ADAMTS17: variants seen among roughly 807,000 people sequenced by gnomAD.
The protein encoded by ADAMTS17 is A disintegrin and metalloproteinase with thrombospondin motifs 17.
Under a neutral mutation model 141.5 loss-of-function variants are expected in ADAMTS17, and 113 were observed. That is an observed-to-expected ratio of 0.80 (90% CI 0.69 to 0.93). The LOEUF (loss-of-function observed/expected upper bound fraction) is 0.93, where lower values mean the gene tolerates loss of function less well. Ranked by LOEUF, ADAMTS17 falls within the 40% of genes least tolerant of loss-of-function variation. ADAMTS17 has a pLI of 0.00. For missense variants in ADAMTS17, 1,659 were observed against 1,517.9 expected (o/e 1.09, Z -1.54); for synonymous variants, 768 against 630.6 (o/e 1.22, Z -3.27).
At chr15:100,288,995 C>A (rs2044540578) in intron 3 of ADAMTS17, among the ~76,000 whole-genome samples, 1 of 151,950 alleles carries the variant, frequency 6.6e-6, no homozygotes, top group Non-Finnish European at 1.5e-5. Flanking sequence ...CAAGAAATAA[C>A]CAAAATCACA....
chr15:100,000,732 C>T (rs2060904000), intron 18 of ADAMTS17, among the ~76,000 whole-genome samples: 1 of 152,036 alleles, frequency 6.6e-6, no homozygotes, highest in South Asian at 2.1e-4. Flanking sequence ...AGGCTGGTCT[C>T]GAACTCCTGA....
intron 15 of ADAMTS17, among the ~76,000 whole-genome samples, chr15:100,094,949 T>C (rs1340386255): frequency 6.6e-6 from 1 of 152,222 alleles, no homozygotes; most frequent in Non-Finnish European, 1.5e-5. Flanking sequence ...GCTGGGAATA[T>C]TGTCTGCCTG....
intron 15 of ADAMTS17, among the ~76,000 whole-genome samples, chr15:100,065,082 GATTT>G (rs781215805): frequency 2.6e-4 from 39 of 152,128 alleles, no homozygotes; most frequent in South Asian, 1.7e-3. Flanking sequence ...CAATAAAATG[GATTT>G]ATTTTTATAA....
intron 3 of ADAMTS17, among the ~76,000 whole-genome samples, chr15:100,302,187 C>T (rs1398270745): frequency 6.6e-6 from 1 of 152,206 alleles, no homozygotes; most frequent in African/African-American, 2.4e-5. Flanking sequence ...TCTTCTGTGT[C>T]TGGTTTCTTT....
intron 12 of ADAMTS17, 104 bp downstream of exon 12, chr15:100,131,903 A>G (rs2038063335): frequency 6.4e-7 from 1 of 1,559,468 alleles, no homozygotes; most frequent in African/African-American, 1.4e-5. Flanking sequence ...CATATCTTCT[A>G]ATGCTCAGCG....
intron 5 of ADAMTS17, 106 bp downstream of exon 5, chr15:100,262,246 G>A (rs576348391): frequency 8.9e-5 from 90 of 1,006,766 alleles, no homozygotes; most frequent in Admixed American, 4.7e-4. Context: ...AGAGAGTGAC[G>A]GAGACTGGCA....
At chr15:100,335,341 A>G (rs972812285) in intron 2 of ADAMTS17, among the ~76,000 whole-genome samples, 1 of 151,814 alleles carries the variant, frequency 6.6e-6, no homozygotes, top group Non-Finnish European at 1.5e-5. Flanking sequence ...CACCCCACAA[A>G]TCCACTCATG....
At chr15:100,071,651 C>A (rs2033979376) in intron 15 of ADAMTS17, among the ~76,000 whole-genome samples, 1 of 150,326 alleles carries the variant, frequency 6.7e-6, no homozygotes, top group Non-Finnish European at 1.5e-5. Context: ...GAACCAAAGA[C>A]AAAAACCACA....
chr15:100,331,518 T>C (rs946220530), intron 2 of ADAMTS17, among the ~76,000 whole-genome samples: 1 of 152,094 alleles, frequency 6.6e-6, no homozygotes, highest in Non-Finnish European at 1.5e-5. Context: ...TCAAAACAAT[T>C]TGCCCTCCTT....
At chr15:100,254,215 G>C (rs367840025) in intron 6 of ADAMTS17, 36 bp from the exon 7 acceptor site, 35 of 1,583,538 alleles carry the variant, frequency 2.2e-5, no homozygotes, top group Non-Finnish European at 2.9e-5. Flanking sequence ...GGTATATGCA[G>C]TATCCCCAAG....
chr15:99,985,762 G>A (rs1465179922), intron 20 of ADAMTS17, among the ~76,000 whole-genome samples: 1 of 152,188 alleles, frequency 6.6e-6, no homozygotes, highest in East Asian at 1.9e-4. Flanking sequence ...CTGTAAAATG[G>A]GGACAGATGG....
At chr15:100,032,428 A>C (rs867752901) in intron 18 of ADAMTS17, among the ~76,000 whole-genome samples, 1 of 152,330 alleles carries the variant, frequency 6.6e-6, no homozygotes, top group Middle Eastern at 3.4e-3. Flanking sequence ...TAACACTAAC[A>C]ACAAGCCAGA....
chr15:100,257,135 C>G (rs1451485876), intron 6 of ADAMTS17: 1 of 152,266 alleles, frequency 6.6e-6, no homozygotes, highest in Non-Finnish European at 1.5e-5. Context: ...CGTCCTAGCT[C>G]AGGACCTGGA....
intron 14 of ADAMTS17, among the ~76,000 whole-genome samples, 183 bp from the exon 15 acceptor site, chr15:100,096,659 T>G (rs2035778119): frequency 6.6e-6 from 1 of 152,202 alleles, no homozygotes; most frequent in Non-Finnish European, 1.5e-5. Flanking sequence ...GAATCCAACC[T>G]AGATTATATT....
intron 7 of ADAMTS17, among the ~76,000 whole-genome samples, chr15:100,209,115 A>G (rs1181140445): frequency 3.4e-5 from 2 of 58,546 alleles, no homozygotes; most frequent in East Asian, 7.7e-4. Flanking sequence ...CAAGTTAGCA[A>G]AAAAAAAAAA....
rs545888772 is a variant in ADAMTS17 at position 100,116,888 on chromosome 15, C to A, written c.1847G>T (p.Ser616Ile). 6.2e-7 allele frequency: 1 copy of A among 1,614,182 alleles called. No homozygotes were observed. Among genetic ancestry groups the A allele is most frequent in the African/African-American group, 1.3e-5 (1 of 75,064 alleles). ...TGTCAGCAGGCCTTTCTTCTTGGGG[C>A]TCAGCCGGTCGTGTGCCTGGCACTG... The part of the protein sequence containing the change: ...DQQCQAHDRL[S>I]PKKKGLLTAV... The change falls in exon 13 of 22, where the codon AGC (serine) becomes ATC (isoleucine). Residue 616 changes from serine (S) to isoleucine (I), a missense_variant. Ser to Ile is a moderately radical substitution (Grantham distance 142, BLOSUM62 -2). Transcript: ENST00000268070.
chr15:99,990,147 C>T (rs773014663), intron 20 of ADAMTS17, among the ~76,000 whole-genome samples: 4 of 152,196 alleles, frequency 2.6e-5, no homozygotes, highest in African/African-American at 7.2e-5. Flanking sequence ...GTGATCCTCC[C>T]GCCTCAGCCT....
At chr15:100,305,115 T>C (rs7176121) in intron 3 of ADAMTS17, among the ~76,000 whole-genome samples, 97,259 of 151,986 alleles carry the variant, frequency 0.64, 32,207 homozygotes, top group African/African-American at 0.81. Flanking sequence ...CTGCATGTTG[T>C]GGTGCAGGAG....
At chr15:100,169,257 G>A (rs182970885) in intron 8 of ADAMTS17, among the ~76,000 whole-genome samples, 43 of 152,314 alleles carry the variant, frequency 2.8e-4, no homozygotes, top group Admixed American at 1.4e-3. Flanking sequence ...ATGACGCTAA[G>A]CACTTGTGTG....
Sources: allele counts gnomAD v4.1 joint callset (sites outside exome capture counted in the v4.1 genomes callset), GRCh38; gene constraint gnomAD v4.1.1; transcripts MANE v1.5; gene names NCBI Gene and HGNC (gene_info 2026-07-23, HGNC 2026-07-21).